GAD1: variants seen among roughly 807,000 people sequenced by gnomAD.
The protein encoded by GAD1 is glutamate decarboxylase 1.
A neutral mutation model predicts 75.2 loss-of-function variants in GAD1; 35 were observed. That is an observed-to-expected ratio of 0.47 (90% CI 0.36 to 0.62). The LOEUF (loss-of-function observed/expected upper bound fraction) is 0.62. Ranked by LOEUF, GAD1 falls within the 20% of genes least tolerant of loss-of-function variation. The probability of loss-of-function intolerance (pLI) is 0.00; values close to 1 mark genes in which losing one functional copy is unlikely to be tolerated. For missense variants in GAD1, 490 were observed against 758.5 expected (o/e 0.65, Z 4.16); for synonymous variants, 257 against 271.9 (o/e 0.95, Z 0.54).
At chr2:170,832,691 CACACAT>C (rs1702271031) in intron 5 of GAD1, among the ~76,000 whole-genome samples, 3 of 147,226 alleles carry the variant, frequency 2.0e-5, no homozygotes, top group Non-Finnish European at 3.0e-5. Context: ...CACACACACA[CACACAT>C]ACACACATGC....
At position 170,818,522 on chromosome 2, in the gene GAD1, T is replaced by G. The variant is rs925553336; in HGVS notation, c.-63-7T>G. ...CCTCCCCGCACAGCTCTCGCTTCTC[T>G]TTGCAGCCTGTTTCTGCGCCGGACC... On this transcript the variant is annotated splice_region_variant and splice_polypyrimidine_tract_variant and intron_variant, in intron 1 of 16. Coordinates refer to ENST00000358196, the MANE Select transcript of GAD1 (RefSeq NM_000817.3). The surrounding 1 kb of genome is among the most constrained non-coding windows in gnomAD (Gnocchi z 5.9). 4.2e-6 allele frequency: 6 copies of G among 1,432,420 alleles called. No homozygotes were observed. The Admixed American group carries it at 5.0e-5, about 12-fold the overall frequency. 88.7% of individuals were successfully genotyped at this position (1,432,420 alleles called of 1,614,324 possible). A position where few individuals can be genotyped will look rare whatever the true frequency, so the allele number is the denominator to read the frequency against.
At chr2:170,845,819 T>G in intron 9 of GAD1, 34 bp downstream of exon 9, 2 of 1,589,172 alleles carry the variant, frequency 1.3e-6, no homozygotes, top group Non-Finnish European at 1.7e-6. Flanking sequence ...AGGTTCTTGA[T>G]GTATTAAATG....
At chr2:170,851,226 G>A (rs1290426846) in intron 12 of GAD1, among the ~76,000 whole-genome samples, 1 of 152,124 alleles carries the variant, frequency 6.6e-6, no homozygotes, top group Non-Finnish European at 1.5e-5. Context: ...TAGCAGCAAA[G>A]AATCATTTAC....
chr2:170,852,892 A>C, intron 13 of GAD1, 100 bp downstream of exon 13: 1 of 1,018,008 alleles, frequency 9.8e-7, no homozygotes, highest in Non-Finnish European at 1.5e-6. Context: ...TGGCTGACTC[A>C]CGAGATTGGC....
At position 170,848,110 on chromosome 2, in the gene GAD1, A is replaced by G. The variant is rs368031691; in HGVS notation, c.1119+318A>G. Among the ~76,000 whole-genome samples the G allele has an allele frequency of 6.6e-5, 10 of 152,306 alleles. No homozygotes were observed. In the East Asian group the frequency reaches 1.9e-3, roughly 29 times the overall value. Reference sequence around the variant, plus strand: ...ATAAAATATAACTGATTTCAGAGGGAAAAAATAGAAGACACAACATACAGA... The same window carrying G: ...ATAAAATATAACTGATTTCAGAGGGGAAAAATAGAAGACACAACATACAGA... On this transcript the variant is annotated intron_variant, in intron 11 of 16. Coordinates refer to ENST00000358196, the MANE Select transcript of GAD1 (RefSeq NM_000817.3).
rs1172784521 is a variant in GAD1, at chr2:170,846,066, A to T, written c.1002+3A>T. ...AAATTCTTGAAGCCAAACAGAAGGT[A>T]TGTACTCCGTGGTGCATCTGAACTC... On this transcript the variant is annotated splice_donor_region_variant and intron_variant, in intron 10 of 16. Transcript: ENST00000358196. 6.2e-7 allele frequency: 1 copy of T among 1,611,938 alleles called. No individual in the cohort carries two copies. The highest frequency in any genetic ancestry group is 1.3e-5 in the African/African-American group (1 of 74,888).
At chr2:170,836,376 C>A (rs1702374912) in intron 5 of GAD1, among the ~76,000 whole-genome samples, 1 of 152,110 alleles carries the variant, frequency 6.6e-6, no homozygotes, top group Non-Finnish European at 1.5e-5. Context: ...AGTTACGTAG[C>A]AAAAGCAATT....
At chr2:170,817,224 G>GGCCCCCCCCCCC (rs1559264475) in intron 1 of GAD1, 176 bp downstream of exon 1, 1 of 16,330 alleles carries the variant, frequency 6.1e-5, no homozygotes. Context: ...GCTGCGCAGG[G>GGCCCCCCCCCCC]ACCCCCCCCC....
chr2:170,822,246 T>C (rs1217661115), intron 3 of GAD1, 97 bp downstream of exon 3: 15 of 1,006,684 alleles, frequency 1.5e-5, no homozygotes, highest in Non-Finnish European at 2.1e-5. Flanking sequence ...GGATCCGGGC[T>C]CATGGGTCTG....
In GAD1 at chr2:170,818,965, G is replaced by A. The variant is rs1460729252; in HGVS notation, c.82+292G>A. 6.6e-6 allele frequency among the ~76,000 whole-genome samples: 1 copy of A among 152,156 alleles called. No homozygotes were observed. The highest frequency in any genetic ancestry group is 2.4e-5 in the African/African-American group (1 of 41,422). ...GCCAGGGTGTTGTTTTTATTCTGTT[G>A]TGTGTGGTTTCTTTGCTCCGTGGGA... On this transcript the variant is annotated intron_variant, in intron 2 of 16. Coordinates refer to ENST00000358196, the MANE Select transcript of GAD1 (RefSeq NM_000817.3). The surrounding 1 kb of genome is among the most constrained non-coding windows in gnomAD (Gnocchi z 5.9).
At chr2:170,845,145 G>A (rs1702602725) in intron 7 of GAD1, among the ~76,000 whole-genome samples, 1 of 152,188 alleles carries the variant, frequency 6.6e-6, no homozygotes, top group Admixed American at 6.5e-5. Context: ...TCTTTGTTCA[G>A]TAAATAGATT....
At chr2:170,842,947 A>G (rs1038396987) in intron 6 of GAD1, among the ~76,000 whole-genome samples, 7 of 152,220 alleles carry the variant, frequency 4.6e-5, no homozygotes, top group African/African-American at 1.7e-4. Flanking sequence ...CTTCAACATT[A>G]GCACTTGGCT....
chr2:170,858,734 T>C, intron 15 of GAD1, 70 bp from the exon 16 acceptor site: 1 of 1,379,048 alleles, frequency 7.3e-7, no homozygotes, highest in Non-Finnish European at 1.0e-6. Flanking sequence ...CAAGGATGCA[T>C]ATTGGTTTGG....
At chr2:170,826,177 T>A (rs1702020954) in intron 3 of GAD1, among the ~76,000 whole-genome samples, 1 of 152,220 alleles carries the variant, frequency 6.6e-6, no homozygotes, top group South Asian at 2.1e-4. Context: ...GCAGTGTAAG[T>A]GTGCTATTCA....
chr2:170,860,629 T>C lies in GAD1; in HGVS notation c.*747T>C, dbSNP rs1214817627. The C allele has an allele frequency of 6.5e-6, 1 of 152,688 alleles. No homozygotes were observed. The highest frequency in any genetic ancestry group is 2.1e-4 in the South Asian group (1 of 4,834). 9.5% of individuals were successfully genotyped at this position (152,688 alleles called of 1,614,324 possible). A position where few individuals can be genotyped will look rare whatever the true frequency, so the allele number is the denominator to read the frequency against. ...CCATGTTAAAGAGGCGTCTTGTATT[T>C]TCTTCCCATTTGTAATGTATCTTAT... On this transcript the variant is annotated 3_prime_UTR_variant, in exon 17 of 17. Coordinates refer to ENST00000358196, the MANE Select transcript of GAD1 (RefSeq NM_000817.3).
At chr2:170,852,881 T>C in intron 13 of GAD1, 89 bp downstream of exon 13, 1 of 1,139,420 alleles carries the variant, frequency 8.8e-7, no homozygotes, top group Non-Finnish European at 1.3e-6. Flanking sequence ...GCAGTACTTG[T>C]TGGCTGACTC....
intron 4 of GAD1, 21 bp downstream of exon 4, chr2:170,829,654 G>A (rs372649056): frequency 8.8e-6 from 14 of 1,596,732 alleles, no homozygotes; most frequent in Middle Eastern, 3.6e-4. Flanking sequence ...CCCCACTCCC[G>A]CCCCATGCTA....
At chr2:170,825,902 C>T (rs1702013382) in intron 3 of GAD1, among the ~76,000 whole-genome samples, 1 of 152,048 alleles carries the variant, frequency 6.6e-6, no homozygotes, top group South Asian at 2.1e-4. Flanking sequence ...CGGCTTCATT[C>T]TCTGGGACCC....
At chr2:170,831,292 A>G in intron 5 of GAD1, 100 bp downstream of exon 5, 1 of 1,354,298 alleles carries the variant, frequency 7.4e-7, no homozygotes, top group Non-Finnish European at 1.1e-6. Flanking sequence ...AGAAAAACAC[A>G]GCCCTGGTGA....
Sources: gnomAD v4.1 joint callset for allele counts (sites outside exome capture counted in the v4.1 genomes callset) on GRCh38, gnomAD v4.1.1 for gene constraint, Gnocchi (gnomAD v3.1) non-coding constraint, MANE v1.5 for transcripts, NCBI Gene and HGNC (gene_info 2026-07-23, HGNC 2026-07-21) for gene names.